The following KIAA1328 variants were observed in gnomAD, a reference collection of about 807,000 sequenced individuals.
KIAA1328 encodes the protein KIAA1328, also known as protein hinderin.
KIAA1328 carries 52 observed loss-of-function variants against 68.1 expected under a neutral mutation model. The ratio of observed to expected loss-of-function variants is 0.76; its 90% CI spans 0.61 to 0.96. The LOEUF is 0.96. KIAA1328 is among the 40% of genes least tolerant of loss of function. KIAA1328 has a pLI of 0.00. For missense variants in KIAA1328, 641 were observed against 677.6 expected (o/e 0.95, Z 0.60); for synonymous variants, 232 against 239.4 (o/e 0.97, Z 0.28).
At chr18:37,192,424 T>C (rs1228661029) in intron 9 of KIAA1328, among the ~76,000 whole-genome samples, 1 of 152,216 alleles carries the variant, frequency 6.6e-6, no homozygotes, top group African/African-American at 2.4e-5. Flanking sequence ...TAAAATGGAA[T>C]GGATGTATAT....
chr18:37,028,790 G>C (rs2054701908), intron 6 of KIAA1328, among the ~76,000 whole-genome samples: 3 of 152,012 alleles, frequency 2.0e-5, no homozygotes, highest in Admixed American at 2.0e-4. Context: ...TGTGGTTTTT[G>C]GTTTTAGTTC....
At chr18:37,103,055 G>A (rs2057669503) in intron 7 of KIAA1328, among the ~76,000 whole-genome samples, 2 of 152,178 alleles carry the variant, frequency 1.3e-5, no homozygotes. Flanking sequence ...TAAATGGGAA[G>A]ATGTCCATGC....
intron 6 of KIAA1328, among the ~76,000 whole-genome samples, chr18:36,972,857 T>C (rs1376459356): frequency 2.0e-5 from 3 of 152,094 alleles, no homozygotes; most frequent in Non-Finnish European, 4.4e-5. Flanking sequence ...ACTTAAACAA[T>C]ACAGAGGAAC....
At chr18:37,081,834 C>T (rs72892509) in intron 7 of KIAA1328, among the ~76,000 whole-genome samples, 20,307 of 152,160 alleles carry the variant, frequency 0.13, 1,740 homozygotes, top group Non-Finnish European at 0.18. Context: ...ATCCACACCC[C>T]GACTCTTCAT....
intron 6 of KIAA1328, among the ~76,000 whole-genome samples, chr18:36,986,501 A>G (rs2052932650): frequency 7.9e-6 from 1 of 127,272 alleles, no homozygotes; most frequent in Non-Finnish European, 1.6e-5. Flanking sequence ...AATTAAAGTA[A>G]AGAGCTTCTG....
At chr18:36,961,465 A>G (rs867050608) in intron 6 of KIAA1328, among the ~76,000 whole-genome samples, 44 of 152,276 alleles carry the variant, frequency 2.9e-4, no homozygotes, top group Admixed American at 8.5e-4. Context: ...AATACAGAGA[A>G]CACCACAAAG....
intron 7 of KIAA1328, among the ~76,000 whole-genome samples, chr18:37,100,012 G>A (rs539208863): frequency 7.1e-4 from 108 of 152,270 alleles, no homozygotes; most frequent in African/African-American, 2.5e-3. Context: ...ACACTGATGG[G>A]TCTTGACTCT....
intron 4 of KIAA1328, among the ~76,000 whole-genome samples, chr18:36,844,909 T>G (rs1428325489): frequency 6.6e-6 from 1 of 151,860 alleles, no homozygotes; most frequent in South Asian, 2.1e-4. Flanking sequence ...GAATATAAAT[T>G]GTAAAAGTTA....
At chr18:36,983,472 C>T (rs529081988) in intron 6 of KIAA1328, among the ~76,000 whole-genome samples, 145 of 152,106 alleles carry the variant, frequency 9.5e-4, no homozygotes, top group African/African-American at 3.4e-3. Flanking sequence ...TTCATTACCA[C>T]CTTCTCAATG....
chr18:37,123,213 C>A (rs943505088), intron 7 of KIAA1328, among the ~76,000 whole-genome samples: 7 of 152,118 alleles, frequency 4.6e-5, no homozygotes, highest in African/African-American at 1.7e-4. Context: ...AGAAGAAAAA[C>A]TGAATGTCTT....
chr18:36,852,272 T>C (rs1015417153), intron 4 of KIAA1328, among the ~76,000 whole-genome samples: 9 of 152,174 alleles, frequency 5.9e-5, no homozygotes, highest in Non-Finnish European at 1.3e-4. Flanking sequence ...GGTTGAGTGT[T>C]CTGTGTATGT....
intron 5 of KIAA1328, among the ~76,000 whole-genome samples, chr18:36,920,867 C>G (rs1382265112): frequency 6.6e-6 from 1 of 152,166 alleles, no homozygotes; most frequent in Non-Finnish European, 1.5e-5. Context: ...TCAGAGCTCT[C>G]TGTGCAGCTT....
At chr18:37,086,499 C>T (rs2057108516) in intron 7 of KIAA1328, among the ~76,000 whole-genome samples, 1 of 152,048 alleles carries the variant, frequency 6.6e-6, no homozygotes, top group African/African-American at 2.4e-5. Flanking sequence ...GAAATTTTCT[C>T]TTTTTTATCT....
rs925446476 is a variant in KIAA1328, at chr18:37,215,192, T to C, written c.1524-6825T>C. Among the ~76,000 whole-genome samples, 8 of 152,210 alleles carry C rather than the reference T, an allele frequency of 5.3e-5. No homozygotes were observed. In the South Asian group the frequency reaches 6.2e-4, roughly 12 times the overall value. On this transcript the variant is annotated intron_variant, in intron 9 of 9. Coordinates refer to ENST00000280020, the MANE Select transcript of KIAA1328 (RefSeq NM_020776.3). ...CCAGAACTTCCAACACTATGTTGAA[T>C]AGGAGTGGTGAGAGAGGGCATCCCT...
chr18:36,868,743 C>T (rs567069447), intron 4 of KIAA1328, among the ~76,000 whole-genome samples: 1 of 152,200 alleles, frequency 6.6e-6, no homozygotes, highest in South Asian at 2.1e-4. Context: ...TTGCATTGTT[C>T]CCCAGTGAAT....
At chr18:37,012,615 CTT>C in intron 6 of KIAA1328, among the ~76,000 whole-genome samples, 1 of 152,134 alleles carries the variant, frequency 6.6e-6, no homozygotes, top group East Asian at 1.9e-4. Context: ...CAGTATCTAA[CTT>C]TGCATTAATA....
chr18:37,219,431 A>T lies in KIAA1328; in HGVS notation c.1524-2586A>T, dbSNP rs556740208. Among the ~76,000 whole-genome samples, 411 of 152,330 alleles carry T rather than the reference A, an allele frequency of 2.7e-3. 3 individuals carry two copies. Among genetic ancestry groups the T allele is most frequent in the Non-Finnish European group, 4.7e-3 (318 of 68,034 alleles). On this transcript the variant is annotated intron_variant, in intron 9 of 9. Coordinates refer to ENST00000280020, the MANE Select transcript of KIAA1328 (RefSeq NM_020776.3). The stretch of plus-strand genomic sequence containing the variant: ...CTGTTCAGCTCTGCCCTTCCCCCAG[A>T]GGTGGAGTCTACAGAGGCAGGCAGG...
chr18:37,027,031 G>T (rs1392447165), intron 6 of KIAA1328, among the ~76,000 whole-genome samples: 1 of 152,068 alleles, frequency 6.6e-6, no homozygotes, highest in Non-Finnish European at 1.5e-5. Flanking sequence ...AAAGTCTCTG[G>T]ATACAAAATC....
At chr18:36,880,692 CAT>C (rs1391987390) in intron 4 of KIAA1328, among the ~76,000 whole-genome samples, 1 of 151,846 alleles carries the variant, frequency 6.6e-6, no homozygotes, top group African/African-American at 2.4e-5. Flanking sequence ...TACCCTCAGA[CAT>C]ATGTTAACTG....
Sources: allele counts gnomAD v4.1 joint callset (sites outside exome capture counted in the v4.1 genomes callset), GRCh38; gene constraint gnomAD v4.1.1; transcripts MANE v1.5; gene names NCBI Gene and HGNC (gene_info 2026-07-23, HGNC 2026-07-21).